MMP26: variants seen among roughly 807,000 people sequenced by gnomAD.
MMP26 encodes matrix metalloproteinase-26.
In MMP26, 33 loss-of-function variants were observed where a neutral mutation model predicts 31.0. The ratio of observed to expected loss-of-function variants is 1.06; its 90% CI spans 0.81 to 1.42. The LOEUF (loss-of-function observed/expected upper bound fraction) is 1.42. Among genes scored for constraint, MMP26 ranks in the 40% most tolerant of loss-of-function variants. The probability of loss-of-function intolerance (pLI) is 0.00; values close to 1 mark genes in which losing one functional copy is unlikely to be tolerated. For missense variants in MMP26, 347 were observed against 316.1 expected (o/e 1.10, Z -0.74); for synonymous variants, 122 against 114.9 (o/e 1.06, Z -0.40).
At chr11:4,818,628 A>G (rs1208069037) in intron 2 of MMP26, among the ~76,000 whole-genome samples, 1 of 152,164 alleles carries the variant, frequency 6.6e-6, no homozygotes, top group African/African-American at 2.4e-5. Context: ...AGAACTTAGA[A>G]GCTTAATATT....
chr11:4,871,568 C>G (rs1290630526), intron 2 of MMP26: 1 of 152,122 alleles, frequency 6.6e-6, no homozygotes, highest in Non-Finnish European at 1.5e-5. Flanking sequence ...TGCTCAGAAG[C>G]CTGGGTCTGT....
At chr11:4,925,590 TCCCTA>T (rs1851259127) in intron 2 of MMP26, among the ~76,000 whole-genome samples, 2 of 151,920 alleles carry the variant, frequency 1.3e-5, no homozygotes, top group Admixed American at 6.6e-5. Flanking sequence ...ATGGAGAAAG[TCCCTA>T]GGAGATGAAT....
At chr11:4,862,254 G>A (rs1255326592) in intron 2 of MMP26, among the ~76,000 whole-genome samples, 4 of 152,148 alleles carry the variant, frequency 2.6e-5, no homozygotes, top group Non-Finnish European at 4.4e-5. Flanking sequence ...CATTGCGTAC[G>A]TATTTGTTTA....
rs1849571548 is a variant in MMP26, at chr11:4,825,805, G to A, written c.-145+58464G>A. ...ATGATAATGTGCTTCCAGGGACCATGAATGAGGAACAACTGAAGTTAAAGA... is the reference window on the plus strand; with the variant it reads ...ATGATAATGTGCTTCCAGGGACCATAAATGAGGAACAACTGAAGTTAAAGA... On this transcript the variant is annotated intron_variant, in intron 2 of 7. Coordinates refer to ENST00000380390, the MANE Select transcript of MMP26 (RefSeq NM_021801.5). 2.6e-5 allele frequency among the ~76,000 whole-genome samples: 4 copies of A among 152,220 alleles called. No homozygotes were observed. In the South Asian group the frequency reaches 8.3e-4, roughly 32 times the overall value.
intron 2 of MMP26, among the ~76,000 whole-genome samples, chr11:4,956,746 C>CT (rs1408360084): frequency 6.6e-6 from 1 of 152,186 alleles, no homozygotes; most frequent in Non-Finnish European, 1.5e-5. Context: ...ACTTGTCCAA[C>CT]TTAGACAAGT....
intron 1 of MMP26, among the ~76,000 whole-genome samples, chr11:4,747,154 T>C (rs982736592): frequency 2.0e-5 from 3 of 152,108 alleles, no homozygotes; most frequent in African/African-American, 7.2e-5. Flanking sequence ...TTTCTATGTC[T>C]AAACGAAGTA....
At chr11:4,715,553 G>T (rs888638838) in intron 1 of MMP26, among the ~76,000 whole-genome samples, 2 of 152,172 alleles carry the variant, frequency 1.3e-5, no homozygotes, top group Non-Finnish European at 1.5e-5. Context: ...GAAAGAACTT[G>T]CTATATTTGG....
At chr11:4,809,051 C>T (rs73403029) in intron 2 of MMP26, among the ~76,000 whole-genome samples, 1 of 151,852 alleles carries the variant, frequency 6.6e-6, no homozygotes, top group South Asian at 2.1e-4. Flanking sequence ...ATAGGAAGCA[C>T]AGGTTGTCAG....
intron 2 of MMP26, among the ~76,000 whole-genome samples, chr11:4,784,100 A>G (rs1260961770): frequency 5.9e-5 from 9 of 152,230 alleles, no homozygotes; most frequent in Non-Finnish European, 1.5e-5. Flanking sequence ...GCATTCAGGA[A>G]CAGGATCAAT....
At chr11:4,981,403 G>A (rs1457306837) in intron 2 of MMP26, among the ~76,000 whole-genome samples, 1 of 152,184 alleles carries the variant, frequency 6.6e-6, no homozygotes, top group East Asian at 1.9e-4. Context: ...CATGCAGCAT[G>A]CTATTGTACT....
chr11:4,705,972 G>A (rs1393598167), intron 1 of MMP26, among the ~76,000 whole-genome samples: 1 of 150,778 alleles, frequency 6.6e-6, no homozygotes, highest in Non-Finnish European at 1.5e-5. Flanking sequence ...TGGTGGGGGC[G>A]GGTGGTGGTG....
chr11:4,926,330 A>G (rs1851272904), intron 2 of MMP26, among the ~76,000 whole-genome samples: 1 of 152,176 alleles, frequency 6.6e-6, no homozygotes, highest in Non-Finnish European at 1.5e-5. Flanking sequence ...GTAGATATCA[A>G]AGGATTTGCA....
chr11:4,923,906 T>G (rs774270415), intron 2 of MMP26: 1 of 1,614,126 alleles, frequency 6.2e-7, no homozygotes, highest in South Asian at 1.1e-5. Flanking sequence ...TAGCCCCATC[T>G]TGACAATACA....
chr11:4,932,427 G>T (rs112643999), intron 2 of MMP26, among the ~76,000 whole-genome samples: 2,767 of 152,186 alleles, frequency 0.018, 33 homozygotes, highest in Middle Eastern at 0.037. Flanking sequence ...CCTGGTATAT[G>T]CTCTCTTGTT....
At chr11:4,713,592 C>T (rs999004628) in intron 1 of MMP26, among the ~76,000 whole-genome samples, 3 of 152,082 alleles carry the variant, frequency 2.0e-5, no homozygotes, top group African/African-American at 7.2e-5. Context: ...CTGTTTTATT[C>T]TCTGTATTAC....
chr11:4,807,215 G>T (rs901358975), intron 2 of MMP26, among the ~76,000 whole-genome samples: 1 of 152,012 alleles, frequency 6.6e-6, no homozygotes, highest in Non-Finnish European at 1.5e-5. Context: ...TGGGTCAAAT[G>T]GTATTTCTAG....
intron 1 of MMP26, among the ~76,000 whole-genome samples, chr11:4,755,704 T>A (rs991791110): frequency 2.0e-5 from 3 of 152,190 alleles, no homozygotes; most frequent in Middle Eastern, 3.4e-3. Flanking sequence ...TTGAATGTTA[T>A]CTGTAGGCTG....
rs1480121152 is a variant in MMP26, at chr11:4,756,279, G to A, written c.-216-10991G>A. 5.3e-5 allele frequency among the ~76,000 whole-genome samples: 8 copies of A among 151,910 alleles called. No individual in the cohort carries two copies. In the South Asian group the frequency reaches 1.7e-3, roughly 32 times the overall value. Reference sequence around the variant, plus strand: ...AAAAATACGGTGCAAATAAAATAATGAGAAAATTATATTTGGGAAGGGCAC... The same window carrying A: ...AAAAATACGGTGCAAATAAAATAATAAGAAAATTATATTTGGGAAGGGCAC... On this transcript the variant is annotated intron_variant, in intron 1 of 7. Transcript: ENST00000380390.
intron 2 of MMP26, among the ~76,000 whole-genome samples, chr11:4,939,031 T>A (rs1192789700): frequency 1.3e-5 from 2 of 152,094 alleles, no homozygotes; most frequent in Non-Finnish European, 2.9e-5. Context: ...CTTCCTTGAA[T>A]TGAGTTGATA....
Sources: gnomAD v4.1 joint callset for allele counts (sites outside exome capture counted in the v4.1 genomes callset) on GRCh38, gnomAD v4.1.1 for gene constraint, MANE v1.5 for transcripts, NCBI Gene and HGNC (gene_info 2026-07-23, HGNC 2026-07-21) for gene names.